BAZ2B: variants seen among roughly 807,000 people sequenced by gnomAD.
The protein encoded by BAZ2B is bromodomain adjacent to zinc finger domain 2B.
BAZ2B carries 91 observed loss-of-function variants against 246.0 expected under a neutral mutation model. That is an observed-to-expected ratio of 0.37 (90% CI 0.31 to 0.44). The LOEUF (loss-of-function observed/expected upper bound fraction) is 0.44. Among genes scored for constraint, BAZ2B ranks in the 20% least tolerant of loss-of-function variants. The pLI is 1.00. For synonymous variants in BAZ2B, 855 were observed against 860.0 expected (o/e 0.99, Z 0.10); for missense variants, 2,332 against 2,533.7 (o/e 0.92, Z 1.71).
intron 33 of BAZ2B, among the ~76,000 whole-genome samples, chr2:159,334,714 T>C (rs2065335489): frequency 6.6e-6 from 1 of 152,146 alleles, no homozygotes; most frequent in Non-Finnish European, 1.5e-5. Context: ...GGTTAATGAA[T>C]TTGCAAAAAT....
intron 25 of BAZ2B, among the ~76,000 whole-genome samples, chr2:159,381,537 T>A (rs1349006624): frequency 6.6e-6 from 1 of 152,112 alleles, no homozygotes; most frequent in Non-Finnish European, 1.5e-5. Flanking sequence ...ATTTATTAAA[T>A]CATTTCCTCC....
chr2:159,516,736 T>C (rs1282647183), intron 2 of BAZ2B: 1 of 152,444 alleles, frequency 6.6e-6, no homozygotes, highest in African/African-American at 2.4e-5. Flanking sequence ...CCAGGTAAGG[T>C]TGATGTCTCA....
At position 159,600,246 on chromosome 2, in the gene BAZ2B, C is replaced by T. The variant is rs370711957; in HGVS notation, c.-46+15996G>A. Among the ~76,000 whole-genome samples the T allele has an allele frequency of 2.7e-3, 409 of 152,208 alleles. 27 individuals carry two copies. The South Asian group carries it at 0.081, about 30-fold the overall frequency. ...ATAAGCCATACCTCATGAGACCGGC[C>T]TTTTGGGGGTGATCAGGAAAAATCT... On this transcript the variant is annotated intron_variant, in intron 1 of 36. Coordinates refer to ENST00000392783, the MANE Select transcript of BAZ2B (RefSeq NM_013450.4).
chr2:159,574,142 T>TAC lies in BAZ2B; in HGVS notation c.-45-18279_-45-18278dup, dbSNP rs70997110. Among the ~76,000 whole-genome samples, 220 of 145,178 alleles carry TAC rather than the reference T, an allele frequency of 1.5e-3. 1 individual carries two copies. Among genetic ancestry groups the TAC allele is most frequent in the South Asian group, 9.5e-3 (44 of 4,620 alleles). On this transcript the variant is annotated intron_variant, in intron 1 of 36. Coordinates refer to ENST00000392783, the MANE Select transcript of BAZ2B (RefSeq NM_013450.4). Reference sequence around the variant, plus strand: ...ACAGACACACACACACACACACACATACACACACACACACACACACACACA... The same window carrying TAC: ...ACAGACACACACACACACACACACATACACACACACACACACACACACACACA...
chr2:159,541,527 C>T (rs1322826352), intron 2 of BAZ2B, among the ~76,000 whole-genome samples: 1 of 152,118 alleles, frequency 6.6e-6, no homozygotes, highest in African/African-American at 2.4e-5. Context: ...GATCTGCCCA[C>T]CTCAGCCTCC....
At chr2:159,511,645 G>A (rs1203427480) in intron 2 of BAZ2B, among the ~76,000 whole-genome samples, 2 of 152,038 alleles carry the variant, frequency 1.3e-5, no homozygotes, top group African/African-American at 4.8e-5. Flanking sequence ...CTGAATCAAA[G>A]ACATTGTCCA....
At chr2:159,508,057 G>A (rs1289009869) in intron 2 of BAZ2B, among the ~76,000 whole-genome samples, 1 of 152,106 alleles carries the variant, frequency 6.6e-6, no homozygotes, top group Non-Finnish European at 1.5e-5. Context: ...TTTTAGCAGA[G>A]ATGGGGTTTC....
intron 22 of BAZ2B, 74 bp downstream of exon 22, chr2:159,386,279 C>T: frequency 7.3e-7 from 1 of 1,376,548 alleles, no homozygotes. Context: ...TAATCTTCTG[C>T]TAATATGCTA....
intron 1 of BAZ2B, among the ~76,000 whole-genome samples, chr2:159,612,667 C>T (rs191429418): frequency 6.6e-6 from 1 of 152,230 alleles, no homozygotes; most frequent in Non-Finnish European, 1.5e-5. Context: ...AAAGTAGCAA[C>T]AAAGACATTA....
chr2:159,446,748 C>CT (rs2074309782), intron 6 of BAZ2B, 34 bp downstream of exon 6: 1 of 1,511,728 alleles, frequency 6.6e-7, no homozygotes, highest in Admixed American at 2.1e-5. Context: ...ATATATAGAT[C>CT]TGTTATATAT....
intron 2 of BAZ2B, among the ~76,000 whole-genome samples, chr2:159,513,607 T>C (rs2083147964): frequency 6.6e-6 from 1 of 152,156 alleles, no homozygotes; most frequent in Non-Finnish European, 1.5e-5. Flanking sequence ...CTTAAAATCA[T>C]CTTTTCTCCT....
At position 159,510,163 on chromosome 2, in the gene BAZ2B, G is replaced by A. The variant is rs77482859; in HGVS notation, c.-2-31442C>T. ...GGAGATGGGGGATGGTGAGGGAAAT[G>A]GGAAGTTACTGCTTTTTTTTATTTT... is the stretch of plus-strand genomic sequence containing the variant. On this transcript the variant is annotated intron_variant, in intron 2 of 36. Transcript: ENST00000392783. Among the ~76,000 whole-genome samples, 1,400 of 151,990 alleles carry A rather than the reference G, an allele frequency of 9.2e-3. 27 individuals carry two copies. Among genetic ancestry groups the A allele is most frequent in the East Asian group, 0.04 (208 of 5,166 alleles).
intron 2 of BAZ2B, among the ~76,000 whole-genome samples, chr2:159,492,403 T>A (rs2080605927): frequency 6.6e-6 from 1 of 152,214 alleles, no homozygotes; most frequent in Non-Finnish European, 1.5e-5. Flanking sequence ...ATAAAGTATT[T>A]TATCACTGTC....
At chr2:159,407,721 T>C (rs1007797563) in intron 14 of BAZ2B, among the ~76,000 whole-genome samples, 1 of 152,108 alleles carries the variant, frequency 6.6e-6, no homozygotes, top group African/African-American at 2.4e-5. Flanking sequence ...AAGATGATGA[T>C]AAAGTATTAT....
At chr2:159,420,925 A>C (rs1179900146) in intron 13 of BAZ2B, among the ~76,000 whole-genome samples, 1 of 152,186 alleles carries the variant, frequency 6.6e-6, no homozygotes, top group African/African-American at 2.4e-5. Context: ...TGCTAACAGA[A>C]ATTCATTAAA....
chr2:159,330,813 A>T lies in BAZ2B; in HGVS notation c.5943+1727T>A, dbSNP rs572950539. On this transcript the variant is annotated intron_variant, in intron 34 of 36. Coordinates refer to ENST00000392783, the MANE Select transcript of BAZ2B (RefSeq NM_013450.4). ...ACTCAAGACTGCAATAAACTGTGATAGTGTCACTGCATTCCAGCCAAGGCA... is the reference window on the plus strand; with the variant it reads ...ACTCAAGACTGCAATAAACTGTGATTGTGTCACTGCATTCCAGCCAAGGCA... Among the ~76,000 whole-genome samples the T allele has an allele frequency of 1.6e-4, 25 of 152,242 alleles. No individual in the cohort carries two copies. In the South Asian group the frequency reaches 5.2e-3, roughly 32 times the overall value.
At chr2:159,701,682 GTATTA>G in the BAZ2B span, among the ~76,000 whole-genome samples, 118 of 145,714 alleles carry the variant, frequency 8.1e-4, no homozygotes, top group African/African-American at 2.8e-3. Flanking sequence ...ATTTTATATT[GTATTA>G]TATTATACTT....
chr2:159,388,129 T>TAATAA lies in BAZ2B; in HGVS notation c.3216+1211_3216+1215dup, dbSNP rs909715394. Among the ~76,000 whole-genome samples the TAATAA allele has an allele frequency of 2.6e-5, 4 of 151,592 alleles. 1 individual carries two copies. The highest frequency in any genetic ancestry group is 2.4e-5 in the African/African-American group (1 of 41,376). Reference sequence around the variant, plus strand: ...TACCCTAAAACTTAAAGTATAATAATAATAAAATAAAATAAAAAAAGAGCT... The same window carrying TAATAA: ...TACCCTAAAACTTAAAGTATAATAATAATAAAATAAAATAAAATAAAAAAAGAGCT... On this transcript the variant is annotated intron_variant, in intron 21 of 36. Transcript: ENST00000392783.
intron 30 of BAZ2B, among the ~76,000 whole-genome samples, chr2:159,348,112 A>G (rs1454072288): frequency 1.3e-5 from 2 of 151,838 alleles, no homozygotes; most frequent in South Asian, 4.2e-4. Context: ...TGAGGCCAGG[A>G]GTTCGAGACC....
Sources: allele counts gnomAD v4.1 joint callset (sites outside exome capture counted in the v4.1 genomes callset), GRCh38; gene constraint gnomAD v4.1.1; transcripts MANE v1.5; gene names NCBI Gene and HGNC (gene_info 2026-07-23, HGNC 2026-07-21).